WDR25: variants seen among roughly 807,000 people sequenced by gnomAD.
The protein encoded by WDR25 is WD repeat-containing protein 25.
Under a neutral mutation model 47.7 loss-of-function variants are expected in WDR25, and 35 were observed. The ratio of observed to expected loss-of-function variants is 0.73; its 90% CI spans 0.56 to 0.97. The LOEUF is 0.97. WDR25 is among the 50% of genes least tolerant of loss of function. The probability of loss-of-function intolerance (pLI) is 0.00; values close to 1 mark genes in which losing one functional copy is unlikely to be tolerated. For missense variants in WDR25, 634 were observed against 704.7 expected, an observed-to-expected ratio of 0.90 and a Z score of 1.14; for synonymous variants, 248 against 278.9, an observed-to-expected ratio of 0.89 and a Z score of 1.10.
chr14:100,528,306 T>G (rs973096568), intron 5 of WDR25, among the ~76,000 whole-genome samples: 3 of 152,220 alleles, frequency 2.0e-5, no homozygotes, highest in African/African-American at 7.2e-5. Context: ...CTTCCTGCCC[T>G]CTTCTGGCTT....
At chr14:100,513,453 G>A (rs1195251374) in intron 4 of WDR25, among the ~76,000 whole-genome samples, 1 of 152,188 alleles carries the variant, frequency 6.6e-6, no homozygotes. Context: ...CCAGAAATGG[G>A]AGAAGTAAAT....
intron 1 of WDR25, chr14:100,376,838 G>A: frequency 2.0e-6 from 2 of 977,552 alleles, no homozygotes; most frequent in Non-Finnish European, 2.6e-6. Flanking sequence ...TTTGTTGAAT[G>A]GGAATATCCT....
intron 2 of WDR25, among the ~76,000 whole-genome samples, chr14:100,420,155 T>C (rs1484027930): frequency 1.3e-5 from 2 of 152,220 alleles, no homozygotes. Context: ...AGCTACTGTC[T>C]CCTGGGCAAG....
intron 2 of WDR25, among the ~76,000 whole-genome samples, chr14:100,463,452 G>T (rs1245510961): frequency 1.3e-5 from 2 of 151,900 alleles, no homozygotes; most frequent in Admixed American, 6.6e-5. Context: ...CACTTCACTG[G>T]CCTCTTCTTA....
chr14:100,458,270 T>C (rs771415088), intron 2 of WDR25, among the ~76,000 whole-genome samples: 2 of 152,094 alleles, frequency 1.3e-5, no homozygotes, highest in Non-Finnish European at 2.9e-5. Context: ...GAGCAAAGAA[T>C]AGTACCAGGA....
chr14:100,379,899 G>A (rs1435369429), intron 1 of WDR25, among the ~76,000 whole-genome samples: 17 of 151,200 alleles, frequency 1.1e-4, no homozygotes, highest in Non-Finnish European at 1.9e-4. Context: ...GTGCCACCAC[G>A]CCTGGCTAAT....
rs370067304 is a variant in WDR25 at position 100,468,090 on chromosome 14, G to T, written c.892G>T (p.Ala298Ser). The T allele has an allele frequency of 3.1e-6, 5 of 1,613,286 alleles. No homozygotes were observed. The African/African-American group carries it at 4.0e-5, about 13-fold the overall frequency. Residue 298 changes from alanine to serine, a missense_variant, in exon 3 of 7, where the codon GCC becomes TCC. By Grantham distance (99) the Ala-to-Ser change is moderately conservative. Transcript: ENST00000402312. The surrounding 1 kb of genome is among the most constrained non-coding windows in gnomAD (Gnocchi z 4.5). ...CCTGCACACAGAGGCAGTGCGGGCCGCCCGGTGGGCTCCCTGTGGCCGGCG... is the reference window on the plus strand; with the variant it reads ...CCTGCACACAGAGGCAGTGCGGGCCTCCCGGTGGGCTCCCTGTGGCCGGCG... ...YSLHTEAVRA[A>S]RWAPCGRRIL... is the part of the protein sequence containing the mutation.
intron 4 of WDR25, among the ~76,000 whole-genome samples, chr14:100,501,241 A>C (rs1273703251): frequency 6.6e-6 from 1 of 152,126 alleles, no homozygotes; most frequent in African/African-American, 2.4e-5. Flanking sequence ...AGTGGTCACG[A>C]GGATTAAGGA....
chr14:100,406,826 G>A (rs1897553049), intron 2 of WDR25: 1 of 152,374 alleles, frequency 6.6e-6, no homozygotes. Flanking sequence ...GACACACCAT[G>A]GGGATAGAAA....
chr14:100,435,763 C>T (rs1898481112), intron 2 of WDR25, among the ~76,000 whole-genome samples: 1 of 152,192 alleles, frequency 6.6e-6, no homozygotes. Context: ...TCTGCAAGTC[C>T]AGATGGGGAT....
chr14:100,419,994 G>A (rs1264927744), intron 2 of WDR25, among the ~76,000 whole-genome samples: 38 of 152,234 alleles, frequency 2.5e-4, no homozygotes, highest in Admixed American at 2.4e-3. Flanking sequence ...ATTGCCTTGG[G>A]CTTGTGTGAG....
intron 2 of WDR25, among the ~76,000 whole-genome samples, chr14:100,433,664 C>A (rs1377324823): frequency 2.0e-5 from 3 of 151,488 alleles, no homozygotes; most frequent in Non-Finnish European, 4.4e-5. Context: ...AGTTTTCATT[C>A]CCCCCCCATT....
intron 4 of WDR25, among the ~76,000 whole-genome samples, chr14:100,507,598 C>T (rs1204898396): frequency 6.7e-6 from 1 of 148,292 alleles, no homozygotes; most frequent in Non-Finnish European, 1.5e-5. Flanking sequence ...TTTTGTAGTT[C>T]TCCTTGTAGA....
chr14:100,424,529 A>C lies in WDR25; in HGVS notation c.822+42783A>C, dbSNP rs1490067651. 6.6e-6 allele frequency among the ~76,000 whole-genome samples: 1 copy of C among 152,192 alleles called. No individual in the cohort carries two copies. Among genetic ancestry groups the C allele is most frequent in the African/African-American group, 2.4e-5 (1 of 41,456 alleles). On this transcript the variant is annotated intron_variant, in intron 2 of 6. Transcript: ENST00000402312. This position sits in a 1 kb window ranked among gnomAD's most constrained non-coding sequence, Gnocchi z 4.2. ...ATTGGGACCTGGGAGCAGGCCCCAC[A>C]CCAGGTGTGACATGCCTGTGCTCAG...
chr14:100,498,791 G>A lies in WDR25; in HGVS notation c.1101+14667G>A, dbSNP rs1262659848. On this transcript the variant is annotated intron_variant, in intron 4 of 6. Coordinates refer to ENST00000402312, the MANE Select transcript of WDR25 (RefSeq NM_001161476.3). This position sits in a 1 kb window ranked among gnomAD's most constrained non-coding sequence, Gnocchi z 4.2. ...TTCCAAGCCCTGCTGGCCAGGCCACGCCCCTGATTTGGAATGGTTTCTACT... is the reference window on the plus strand; with the variant it reads ...TTCCAAGCCCTGCTGGCCAGGCCACACCCCTGATTTGGAATGGTTTCTACT... Among the ~76,000 whole-genome samples, 1 of 152,176 alleles carries A rather than the reference G, an allele frequency of 6.6e-6. No individual in the cohort carries two copies. Among genetic ancestry groups the A allele is most frequent in the African/African-American group, 2.4e-5 (1 of 41,434 alleles).
intron 2 of WDR25, among the ~76,000 whole-genome samples, chr14:100,446,397 A>G (rs1233829044): frequency 6.6e-6 from 1 of 151,962 alleles, no homozygotes; most frequent in Non-Finnish European, 1.5e-5. Flanking sequence ...CTAAAAATAC[A>G]AAAATTAGCC....
chr14:100,468,085 G>T lies in WDR25; in HGVS notation c.887G>T (p.Arg296Leu). The change falls in exon 3 of 7, where the codon CGG becomes CTG. Residue 296 changes from arginine to leucine, a missense_variant. Transcript: ENST00000402312. The surrounding 1 kb of genome is among the most constrained non-coding windows in gnomAD (Gnocchi z 4.5). The part of the protein sequence containing the change: ...QTYSLHTEAV[R>L]AARWAPCGRR... ...TACTCCCTGCACACAGAGGCAGTGC[G>T]GGCCGCCCGGTGGGCTCCCTGTGGC... 1 of 1,613,436 alleles carries T rather than the reference G, an allele frequency of 6.2e-7. No homozygotes were observed.
intron 4 of WDR25, among the ~76,000 whole-genome samples, chr14:100,509,036 AT>A (rs1901212628): frequency 6.6e-6 from 1 of 152,084 alleles, no homozygotes; most frequent in Admixed American, 6.5e-5. Context: ...TGATCGATAC[AT>A]TTTTTCCTAT....
At chr14:100,439,218 G>A (rs1211861053) in intron 2 of WDR25, among the ~76,000 whole-genome samples, 1 of 152,256 alleles carries the variant, frequency 6.6e-6, no homozygotes, top group African/African-American at 2.4e-5. Flanking sequence ...GAGGCACCTG[G>A]CACTTGGTGG....
Sources: gnomAD v4.1 joint callset for allele counts (sites outside exome capture counted in the v4.1 genomes callset) on GRCh38, gnomAD v4.1.1 for gene constraint, Gnocchi (gnomAD v3.1) non-coding constraint, MANE v1.5 for transcripts, NCBI Gene and HGNC (gene_info 2026-07-23, HGNC 2026-07-21) for gene names.